TMEM236: variants seen among roughly 807,000 people sequenced by gnomAD.
TMEM236 encodes the protein family with sequence similarity 23, member A.
In TMEM236, 11 loss-of-function variants were observed where a neutral mutation model predicts 14.7. The ratio of observed to expected loss-of-function variants is 0.75; its 90% confidence interval spans 0.47 to 1.24. The LOEUF is 1.24. Ranked by LOEUF, TMEM236 falls within the 50% of genes most tolerant of loss-of-function variation. TMEM236 has a pLI of 0.00. For missense variants in TMEM236, 464 were observed against 427.3 expected (o/e 1.09, Z -0.76); for synonymous variants, 182 against 168.6 (o/e 1.08, Z -0.62).
At chr10:17,781,759 A>G (rs976452858) in intron 3 of TMEM236, among the ~76,000 whole-genome samples, 178 of 151,694 alleles carry the variant, frequency 1.2e-3, no homozygotes, top group Non-Finnish European at 1.8e-3. Context: ...AAAAAAAAAA[A>G]AAAAAAAGGA....
chr10:17,765,723 C>T (rs2131745107), intron 1 of TMEM236, among the ~76,000 whole-genome samples: 1 of 152,340 alleles, frequency 6.6e-6, no homozygotes, highest in Non-Finnish European at 1.5e-5. Context: ...ATGCTGATTC[C>T]TGAGCCCATC....
At chr10:17,781,681 G>T (rs1033697053) in intron 3 of TMEM236, among the ~76,000 whole-genome samples, 80 of 147,934 alleles carry the variant, frequency 5.4e-4, no homozygotes, top group Admixed American at 1.2e-3. Context: ...AGGAGGCGGA[G>T]ATTGCAGTGA....
At chr10:17,790,767 C>G (rs975733738) in intron 3 of TMEM236, among the ~76,000 whole-genome samples, 2 of 152,170 alleles carry the variant, frequency 1.3e-5, no homozygotes, top group Admixed American at 6.5e-5. Context: ...TTAGATTCCT[C>G]TAACCATTTT....
At chr10:17,787,521 A>C (rs927453243) in intron 3 of TMEM236, among the ~76,000 whole-genome samples, 2 of 152,152 alleles carry the variant, frequency 1.3e-5, no homozygotes, top group Non-Finnish European at 2.9e-5. Flanking sequence ...GGCTGGGCCG[A>C]GCTTTCATGC....
rs1371758624 is a variant in TMEM236, at chr10:17,800,468, A to C, written c.*3964A>C. The C allele has an allele frequency of 1.3e-5, 2 of 152,276 alleles. No homozygotes were observed. Among genetic ancestry groups the C allele is most frequent in the African/African-American group, 4.8e-5 (2 of 41,566 alleles). The allele number at this position is 152,276 out of a possible 1,614,324, so 9.4% of individuals were successfully genotyped here. A position where few individuals can be genotyped will look rare whatever the true frequency, so the allele number is the denominator to read the frequency against. On this transcript the variant is annotated 3_prime_UTR_variant, in exon 4 of 4. Coordinates refer to ENST00000377495, the MANE Select transcript of TMEM236 (RefSeq NM_001098844.3). ...CTTTTTAGTGCCTTTTCTTTCTAAA[A>C]GTTAATGTTTGAAATTACAATGTGT...
chr10:17,784,976 C>A (rs992267353), intron 3 of TMEM236, among the ~76,000 whole-genome samples: 1 of 152,098 alleles, frequency 6.6e-6, no homozygotes, highest in African/African-American at 2.4e-5. Flanking sequence ...TTTTTCCTCA[C>A]TGAGGCTCAG....
intron 3 of TMEM236, among the ~76,000 whole-genome samples, chr10:17,788,763 G>T (rs903306981): frequency 3.9e-5 from 6 of 152,242 alleles, no homozygotes; most frequent in Non-Finnish European, 8.8e-5. Flanking sequence ...TGGGATCTTA[G>T]GGTTTTTGAA....
intron 1 of TMEM236, among the ~76,000 whole-genome samples, chr10:17,763,582 G>A (rs1008468412): frequency 2.6e-5 from 4 of 152,122 alleles, no homozygotes; most frequent in African/African-American, 9.7e-5. Context: ...TATGGACTCA[G>A]GCTTATTAGA....
chr10:17,761,677 G>T (rs1837365255), intron 1 of TMEM236, among the ~76,000 whole-genome samples: 1 of 136,694 alleles, frequency 7.3e-6, no homozygotes, highest in South Asian at 2.4e-4. Context: ...CTGGGTGACA[G>T]AGTGAGACTA....
At chr10:17,772,140 C>T (rs1034025680) in intron 2 of TMEM236, among the ~76,000 whole-genome samples, 3 of 152,006 alleles carry the variant, frequency 2.0e-5, no homozygotes, top group African/African-American at 7.2e-5. Flanking sequence ...GAAATATGGC[C>T]GAGTCTCTCA....
chr10:17,761,566 T>C (rs1454997891), intron 1 of TMEM236, among the ~76,000 whole-genome samples: 2 of 151,862 alleles, frequency 1.3e-5, no homozygotes, highest in African/African-American at 4.8e-5. Flanking sequence ...TGGTGGCTCA[T>C]GCCTGTAGTC....
intron 1 of TMEM236, among the ~76,000 whole-genome samples, chr10:17,758,652 C>G (rs1373203800): frequency 6.6e-6 from 1 of 152,128 alleles, no homozygotes; most frequent in African/African-American, 2.4e-5. Flanking sequence ...GTTATGACCT[C>G]AAACTGAATT....
intron 3 of TMEM236, 63 bp from the exon 4 acceptor site, chr10:17,795,858 A>G: frequency 6.7e-7 from 1 of 1,500,842 alleles, no homozygotes. Flanking sequence ...AAATTTGAAT[A>G]ACATTTGAGC....
intron 1 of TMEM236, among the ~76,000 whole-genome samples, chr10:17,759,423 C>A (rs1031787789): frequency 1.3e-5 from 2 of 152,226 alleles, no homozygotes; most frequent in East Asian, 3.9e-4. Context: ...ACTATGAACA[C>A]GTCAGGAATC....
At chr10:17,753,768 T>C (rs1837243871) in intron 1 of TMEM236, among the ~76,000 whole-genome samples, 1 of 152,316 alleles carries the variant, frequency 6.6e-6, no homozygotes, top group African/African-American at 2.4e-5. Flanking sequence ...ATACCCAGTA[T>C]TGAAATTGCT....
rs556525923 is a variant in TMEM236, at chr10:17,771,918, C to T, written c.330+537C>T. 2.4e-3 allele frequency among the ~76,000 whole-genome samples: 367 copies of T among 152,264 alleles called. 6 individuals carry two copies. The highest frequency in any genetic ancestry group is 1.6e-4 in the Non-Finnish European group (11 of 68,026). ...GGCAGAACTTTCAGGCTTGTAAGTA[C>T]TTCATTATCCAAGAAGGTCAGAGAA... On this transcript the variant is annotated intron_variant, in intron 2 of 3. Transcript: ENST00000377495.
chr10:17,779,839 A>G (rs1159249725), intron 3 of TMEM236, among the ~76,000 whole-genome samples: 9 of 152,186 alleles, frequency 5.9e-5, no homozygotes, highest in African/African-American at 2.2e-4. Context: ...ACCCCTCAGC[A>G]TGCTATTTTC....
chr10:17,787,488 A>G (rs1393743420), intron 3 of TMEM236, among the ~76,000 whole-genome samples: 2 of 151,794 alleles, frequency 1.3e-5, no homozygotes, highest in African/African-American at 4.8e-5. Flanking sequence ...TTACCCATTG[A>G]CTCTACGGGA....
intron 3 of TMEM236, among the ~76,000 whole-genome samples, chr10:17,791,120 ATC>A (rs1296088614): frequency 6.6e-6 from 1 of 152,072 alleles, no homozygotes; most frequent in Middle Eastern, 3.4e-3. Flanking sequence ...ATAGTGCATA[ATC>A]TCTCTGTGCC....
Sources: gnomAD v4.1 joint callset for allele counts (sites outside exome capture counted in the v4.1 genomes callset) on GRCh38, gnomAD v4.1.1 for gene constraint, MANE v1.5 for transcripts, NCBI Gene and HGNC (gene_info 2026-07-23, HGNC 2026-07-21) for gene names.